The following MGAM variants were observed in gnomAD, a reference collection of about 807,000 sequenced individuals.
MGAM encodes alpha-1,4-glucosidase.
MGAM carries 253 observed loss-of-function variants against 358.8 expected under a neutral mutation model. That is an observed-to-expected ratio of 0.71 (90% CI 0.64 to 0.78). The LOEUF is 0.78. Among genes scored for constraint, MGAM ranks in the 30% least tolerant of loss-of-function variants. The pLI is 0.00. For synonymous variants in MGAM, 1,105 were observed against 1,227.1 expected, an observed-to-expected ratio of 0.90 and a Z score of 2.08; for missense variants, 3,080 against 3,432.6, an observed-to-expected ratio of 0.90 and a Z score of 2.57.
chr7:142,045,502 A>G (rs1255467666), intron 21 of MGAM, among the ~76,000 whole-genome samples: 1 of 111,008 alleles, frequency 9.0e-6, no homozygotes, highest in Non-Finnish European at 1.6e-5. Context: ...ATGATATTAT[A>G]TATTACATAT....
chr7:142,041,522 A>G (rs1808540635), intron 21 of MGAM, among the ~76,000 whole-genome samples: 1 of 152,030 alleles, frequency 6.6e-6, no homozygotes, highest in Non-Finnish European at 1.5e-5. Flanking sequence ...TAATTTTTCC[A>G]AAATGAAAAT....
chr7:141,997,368 C>T (rs1174458574), intron 1 of MGAM, among the ~76,000 whole-genome samples: 1 of 152,020 alleles, frequency 6.6e-6, no homozygotes, highest in African/African-American at 2.4e-5. Context: ...CTACCAGGGA[C>T]CAAATGAAGT....
Position 142,062,529 on chromosome 7 carries a change from A to G in MGAM, c.4123-39A>G, listed in dbSNP as rs551065728. On this transcript the variant is annotated intron_variant, in intron 34 of 70. Coordinates refer to ENST00000475668, the MANE Select transcript of MGAM (RefSeq NM_001365693.1). ...TAAGTGCCTGTTTGCTGTCTTCTAT[A>G]TTTGTGTGGGACAAAGAAATTATAT... is the stretch of plus-strand genomic sequence containing the variant. 8.5e-6 allele frequency: 13 copies of G among 1,525,932 alleles called. No individual in the cohort carries two copies. In the Admixed American group the frequency reaches 1.0e-4, roughly 12 times the overall value. The allele number at this position is 1,525,932 out of a possible 1,614,324, so 94.5% of individuals were successfully genotyped here.
chr7:141,995,223 C>G (rs1804139777), upstream of MGAM, among the ~76,000 whole-genome samples: 1 of 146,646 alleles, frequency 6.8e-6, no homozygotes, highest in African/African-American at 2.6e-5. Flanking sequence ...GGCCTTTGTA[C>G]TAGAATAAGC....
chr7:142,029,980 GAGAC>G (rs1339474446), intron 10 of MGAM, among the ~76,000 whole-genome samples: 2 of 152,212 alleles, frequency 1.3e-5, no homozygotes, highest in East Asian at 3.8e-4. Flanking sequence ...ATGTGGGAGA[GAGAC>G]AGTCTCTTCC....
chr7:142,043,711 T>TA (rs1363264016), intron 21 of MGAM, among the ~76,000 whole-genome samples: 1,573 of 116,786 alleles, frequency 0.013, 343 homozygotes, highest in Middle Eastern at 0.049. Flanking sequence ...ATATTATATA[T>TA]CATGTAATAT....
intron 59 of MGAM, 95 bp downstream of exon 59, chr7:142,092,703 G>A (rs769322573): frequency 1.8e-6 from 2 of 1,140,658 alleles, no homozygotes; most frequent in Non-Finnish European, 2.5e-6. Context: ...CACAGCTCAG[G>A]GCACATCCTC....
Position 142,102,565 on chromosome 7 carries a change from T to C in MGAM, c.7964-65T>C, listed in dbSNP as rs372404162. On this transcript the variant is annotated intron_variant, in intron 68 of 70. Transcript: ENST00000475668. Reference sequence around the variant, plus strand: ...GTAGGCAATTAGAACAGCATTTATATATTCTATAGCATAGAGTTCTACAGC... The same window carrying C: ...GTAGGCAATTAGAACAGCATTTATACATTCTATAGCATAGAGTTCTACAGC... The C allele has an allele frequency of 5.6e-6, 8 of 1,441,076 alleles. No homozygotes were observed. The African/African-American group carries it at 9.9e-5, about 18-fold the overall frequency. The allele number at this position is 1,441,076 out of a possible 1,614,324, so 89.3% of individuals were successfully genotyped here.
intron 23 of MGAM, among the ~76,000 whole-genome samples, 198 bp from the exon 24 acceptor site, chr7:142,050,499 C>A (rs759829387): frequency 6.6e-6 from 1 of 152,128 alleles, no homozygotes; most frequent in Admixed American, 6.5e-5. Context: ...TTTTAAATGC[C>A]TGTGTGTTTT....
intron 10 of MGAM, among the ~76,000 whole-genome samples, chr7:142,028,852 A>T (rs1434903526): frequency 6.6e-6 from 1 of 151,828 alleles, no homozygotes; most frequent in Admixed American, 6.6e-5. Context: ...TGCGAGTCCC[A>T]CTACTCATTC....
chr7:142,099,665 A>G lies in MGAM; in HGVS notation c.7802A>G (p.Asp2601Gly). Residue 2601 changes from aspartate (D) to glycine (G), a missense_variant, in exon 67 of 71, where the codon GAC (aspartate) becomes GGC (glycine). By Grantham distance (94) the Asp-to-Gly change is moderately conservative (BLOSUM62 -1). Around this residue, in one of 5 missense-constraint regions of MGAM, gnomAD observed 932 missense variants for 1,198.2 expected, o/e 0.78. Coordinates refer to ENST00000475668, the MANE Select transcript of MGAM (RefSeq NM_001365693.1). ...GEWKTLPAPL[D>G]HINLHVRGGY... ...TGGAAGACCTTGCCAGCCCCTCTTGACCACATTAATCTTCATGTCCGTGGG... is the reference window on the plus strand; with the variant it reads ...TGGAAGACCTTGCCAGCCCCTCTTGGCCACATTAATCTTCATGTCCGTGGG... The G allele has an allele frequency of 6.2e-7, 1 of 1,613,930 alleles. No homozygotes were observed. The highest frequency in any genetic ancestry group is 8.5e-7 in the Non-Finnish European group (1 of 1,179,872).
At chr7:142,048,496 AAG>A (rs1444659013) in intron 22 of MGAM, among the ~76,000 whole-genome samples, 1 of 152,102 alleles carries the variant, frequency 6.6e-6, no homozygotes, top group African/African-American at 2.4e-5. Flanking sequence ...AGATGGTTTC[AAG>A]ACTGTTCCCG....
intron 1 of MGAM, among the ~76,000 whole-genome samples, chr7:141,997,745 C>G (rs1328053523): frequency 1.3e-5 from 2 of 152,168 alleles, no homozygotes; most frequent in African/African-American, 4.8e-5. Flanking sequence ...TCAGAGCTGA[C>G]TCTTAAATCT....
In MGAM at chr7:142,053,716, A is replaced by C. The variant is rs572284714; in HGVS notation, c.3159+732A>C. On this transcript the variant is annotated intron_variant, in intron 26 of 70. Transcript: ENST00000475668. ...GGCCGATAGTGCTGTAATGTTATTG[A>C]CAGAGTAAGTGAAAGTGGTCAGGAC... 4.6e-5 allele frequency among the ~76,000 whole-genome samples: 7 copies of C among 152,276 alleles called. No homozygotes were observed. In the South Asian group the frequency reaches 1.5e-3, roughly 32 times the overall value.
chr7:142,041,995 TA>T (rs1808775569), intron 21 of MGAM, among the ~76,000 whole-genome samples: 1 of 13,548 alleles, frequency 7.4e-5, no homozygotes, highest in Non-Finnish European at 1.3e-4. Flanking sequence ...ATAATATATA[TA>T]TATTATATAT....
intron 65 of MGAM, among the ~76,000 whole-genome samples, chr7:142,096,968 A>T (rs1815974767): frequency 6.7e-6 from 1 of 148,654 alleles, no homozygotes; most frequent in South Asian, 2.1e-4. Flanking sequence ...TCACTCTGTC[A>T]TCCAGGCTGG....
chr7:142,036,301 C>T lies in MGAM; in HGVS notation c.2076+16C>T. The stretch of plus-strand genomic sequence containing the variant: ...AGGCTACAAGGTAAGGCTCCTAGGA[C>T]ATAGAGTCAGAATAAATTTGGCATA... On this transcript the variant is annotated intron_variant, in intron 17 of 70. Transcript: ENST00000475668. The T allele has an allele frequency of 6.4e-7, 1 of 1,563,848 alleles. No homozygotes were observed. The highest frequency in any genetic ancestry group is 1.2e-5 in the South Asian group (1 of 86,564).
At chr7:142,046,651 T>C (rs1044481526) in intron 21 of MGAM, among the ~76,000 whole-genome samples, 1 of 152,148 alleles carries the variant, frequency 6.6e-6, no homozygotes, top group African/African-American at 2.4e-5. Context: ...ATCCTGTTAT[T>C]GTTTTCATCT....
chr7:142,044,849 C>A (rs1229507526), intron 21 of MGAM, among the ~76,000 whole-genome samples: 1 of 59,150 alleles, frequency 1.7e-5, no homozygotes, highest in African/African-American at 6.9e-5. Context: ...ATATTACATA[C>A]ACGTGTAATA....
Sources: gnomAD v4.1 joint callset for allele counts (sites outside exome capture counted in the v4.1 genomes callset) on GRCh38, gnomAD v4.1.1 for gene constraint, gnomAD v4.1.1 regional missense constraint, MANE v1.5 for transcripts, NCBI Gene and HGNC (gene_info 2026-07-23, HGNC 2026-07-21) for gene names.